Variants in ACSM6 observed in about 807,000 individuals in gnomAD.
ACSM6 encodes acyl-coenzyme A synthetase ACSM6, mitochondrial.
Under a neutral mutation model 51.1 loss-of-function variants are expected in ACSM6, and 35 were observed. That is an observed-to-expected ratio of 0.69 (90% CI 0.52 to 0.91). The LOEUF (loss-of-function observed/expected upper bound fraction) is 0.91, where lower values mean the gene tolerates loss of function less well. Among genes scored for constraint, ACSM6 ranks in the 40% least tolerant of loss-of-function variants. The pLI is 0.00. For missense variants in ACSM6, 509 were observed against 584.1 expected (o/e 0.87, Z 1.32); for synonymous variants, 172 against 207.3 (o/e 0.83, Z 1.46).
intron 6 of ACSM6, 40 bp downstream of exon 6, chr10:95,212,074 C>A: frequency 6.2e-7 from 1 of 1,610,476 alleles, no homozygotes. Flanking sequence ...GGGACAAAGG[C>A]CAGAGAGAGG....
At chr10:95,214,176 A>C (rs2034921521) in intron 7 of ACSM6, among the ~76,000 whole-genome samples, 1 of 152,218 alleles carries the variant, frequency 6.6e-6, no homozygotes, top group South Asian at 2.1e-4. Context: ...CTAACTGGGC[A>C]GGCAGTTATT....
At position 95,207,189 on chromosome 10, in the gene ACSM6, C is replaced by G; in HGVS notation, c.404-19C>G. On this transcript the variant is annotated intron_variant, in intron 3 of 10. Transcript: ENST00000341686. ...ACTCAAAAGATAAAAATGAAGCCTT[C>G]TTTTGTGGTTTTTTTCAGGAATCAC... 6.4e-7 allele frequency: 1 copy of G among 1,569,860 alleles called. No homozygotes were observed. Among genetic ancestry groups the G allele is most frequent in the South Asian group, 1.1e-5 (1 of 89,870 alleles).
In ACSM6 at chr10:95,210,798, G is replaced by T. The variant is rs201542854; in HGVS notation, c.755+5G>T. 1 of 1,613,082 alleles carries T rather than the reference G, an allele frequency of 6.2e-7. No homozygotes were observed. Among genetic ancestry groups the T allele is most frequent in the Non-Finnish European group, 8.5e-7 (1 of 1,179,414 alleles). On this transcript the variant is annotated splice_donor_5th_base_variant and intron_variant, in intron 5 of 10. Transcript: ENST00000341686. ...GGGATTCAGCCAGGCTTCCAGGTAC[G>T]GTTCTCGCACAGCCTGTACAGGCCT...
intron 2 of ACSM6, chr10:95,201,335 G>A (rs1000172644): frequency 2.6e-6 from 1 of 386,044 alleles, no homozygotes; most frequent in African/African-American, 2.1e-5. Context: ...CCTCCCCAAT[G>A]TCTATTATTT....
chr10:95,207,395 G>T, exon 4 of ACSM6: 3 of 1,614,092 alleles, frequency 1.9e-6, no homozygotes, highest in Non-Finnish European at 2.5e-6. Flanking sequence ...ATGGGTGGTT[G>T]GATTTCAAGA....
intron 2 of ACSM6, among the ~76,000 whole-genome samples, chr10:95,200,186 T>C (rs555953795): frequency 2.4e-4 from 36 of 152,210 alleles, no homozygotes; most frequent in African/African-American, 8.4e-4. Flanking sequence ...GATGAGTTCA[T>C]GTCCTTTGTA....
At chr10:95,222,649 T>C (rs1321872594) in intron 9 of ACSM6, among the ~76,000 whole-genome samples, 1 of 149,166 alleles carries the variant, frequency 6.7e-6, no homozygotes, top group African/African-American at 2.5e-5. Context: ...GTCTAACTCA[T>C]AGATCTGGAA....
In ACSM6 at chr10:95,197,609, A is replaced by G. The variant is rs985669034; in HGVS notation, c.192+2932A>G. Among the ~76,000 whole-genome samples, 308 of 152,254 alleles carry G rather than the reference A, an allele frequency of 2.0e-3. 1 individual carries two copies. Among genetic ancestry groups the G allele is most frequent in the Admixed American group, 3.4e-3 (52 of 15,292 alleles). ...TTGCTGCAAACATGTCTCACCTCCC[A>G]CCATAGGGCGGTTTTTCTCTCATCT... On this transcript the variant is annotated intron_variant, in intron 2 of 10. Coordinates refer to ENST00000341686, the Ensembl canonical transcript of ACSM6.
intron 8 of ACSM6, 22 bp downstream of exon 8, chr10:95,214,997 A>G (rs555350346): frequency 1.9e-6 from 3 of 1,550,834 alleles, no homozygotes; most frequent in Non-Finnish European, 2.6e-6. Context: ...CTGACTCACT[A>G]TTTAGCCAGA....
intron 9 of ACSM6, 138 bp from the exon 10 acceptor site, chr10:95,225,152 G>A: frequency 4.6e-6 from 3 of 651,694 alleles, no homozygotes; most frequent in Non-Finnish European, 7.9e-6. Context: ...AGGTTGCCCA[G>A]TATCTAAGTA....
Position 95,209,757 on chromosome 10 carries a change from T to C in ACSM6, c.612-893T>C, listed in dbSNP as rs144472406. ...CACAAATATTTATTTTATATATTTA[T>C]GTAATGTTTTCATAATTTATAATTT... On this transcript the variant is annotated intron_variant, in intron 4 of 10. Transcript: ENST00000341686. Among the ~76,000 whole-genome samples, 540 of 152,186 alleles carry C rather than the reference T, an allele frequency of 3.5e-3. 5 individuals carry two copies. Among genetic ancestry groups the C allele is most frequent in the African/African-American group, 0.012 (491 of 41,588 alleles).
rs185024024 is a variant in ACSM6, at chr10:95,220,819, A to G, written c.1200+848A>G. On this transcript the variant is annotated intron_variant, in intron 9 of 10. Transcript: ENST00000341686. ...TATATGTTTGTTTTTTCCAGTAATCATGAATAGGTACTACATTATATTAAA... is the reference window on the plus strand; with the variant it reads ...TATATGTTTGTTTTTTCCAGTAATCGTGAATAGGTACTACATTATATTAAA... Among the ~76,000 whole-genome samples the G allele has an allele frequency of 1.5e-4, 23 of 152,324 alleles. 1 individual carries two copies. Among genetic ancestry groups the G allele is most frequent in the Admixed American group, 1.5e-3 (23 of 15,300 alleles).
chr10:95,225,442 T>C, intron 10 of ACSM6, 51 bp downstream of exon 10: 1 of 1,225,192 alleles, frequency 8.2e-7, no homozygotes, highest in Non-Finnish European at 1.1e-6. Context: ...CTACTAATCG[T>C]AGTGCCATTA....
chr10:95,212,166 G>T (rs2133383258), intron 6 of ACSM6, 132 bp downstream of exon 6: 1 of 1,082,024 alleles, frequency 9.2e-7, no homozygotes, highest in South Asian at 1.5e-5. Context: ...ACTTGAAGAT[G>T]CTCTCCCTGC....
chr10:95,217,999 A>C (rs2034962863), intron 8 of ACSM6, among the ~76,000 whole-genome samples: 1 of 152,228 alleles, frequency 6.6e-6, no homozygotes, highest in African/African-American at 2.4e-5. Context: ...AAGAGTTGAC[A>C]TTTTCAGCAC....
intron 8 of ACSM6, among the ~76,000 whole-genome samples, chr10:95,215,954 G>C (rs1032003102): frequency 6.6e-6 from 1 of 152,100 alleles, no homozygotes; most frequent in African/African-American, 2.4e-5. Flanking sequence ...GAGAGGCAGG[G>C]TCTTGCTTTA....
chr10:95,210,804 C>A lies in ACSM6; in HGVS notation c.755+11C>A. The A allele has an allele frequency of 6.2e-7, 1 of 1,612,606 alleles. No individual in the cohort carries two copies. Among genetic ancestry groups the A allele is most frequent in the Non-Finnish European group, 8.5e-7 (1 of 1,179,178 alleles). On this transcript the variant is annotated intron_variant, in intron 5 of 10. Transcript: ENST00000341686. ...CAGCCAGGCTTCCAGGTACGGTTCTCGCACAGCCTGTACAGGCCTGAAAGT... is the reference window on the plus strand; with the variant it reads ...CAGCCAGGCTTCCAGGTACGGTTCTAGCACAGCCTGTACAGGCCTGAAAGT...
chr10:95,228,318 A>C, intron 10 of ACSM6: 1 of 198,792 alleles, frequency 5.0e-6, no homozygotes, highest in Non-Finnish European at 1.0e-5. Context: ...AGCAGCCAAC[A>C]CTCCTTACAC....
chr10:95,197,473 T>C (rs815242), intron 2 of ACSM6, among the ~76,000 whole-genome samples: 111,507 of 149,894 alleles, frequency 0.74, 41,903 homozygotes, highest in African/African-American at 0.82. Flanking sequence ...CAATAGAATC[T>C]ATGTCATAAT....
Sources: gnomAD v4.1 joint callset for allele counts (sites outside exome capture counted in the v4.1 genomes callset) on GRCh38, gnomAD v4.1.1 for gene constraint, MANE v1.5 for transcripts, NCBI Gene and HGNC (gene_info 2026-07-23, HGNC 2026-07-21) for gene names.